CCDC3: variants seen among roughly 807,000 people sequenced by gnomAD.
The protein encoded by CCDC3 is coiled-coil domain containing 3, also known as coiled-coil domain-containing protein 3.
A neutral mutation model predicts 21.4 loss-of-function variants in CCDC3; 24 were observed. The observed-to-expected ratio is 1.12, with a 90% confidence interval of 0.81 to 1.58. The LOEUF (loss-of-function observed/expected upper bound fraction) is 1.58. Ranked by LOEUF, CCDC3 falls within the 40% of genes most tolerant of loss-of-function variation. The pLI is 0.00. For missense variants in CCDC3, 425 were observed against 360.9 expected, an observed-to-expected ratio of 1.18 and a Z score of -1.44; for synonymous variants, 186 against 166.0, an observed-to-expected ratio of 1.12 and a Z score of -0.93.
intron 4 of CCDC3, among the ~76,000 whole-genome samples, chr10:13,065,262 A>T (rs1836809012): frequency 6.6e-6 from 1 of 152,186 alleles, no homozygotes; most frequent in Non-Finnish European, 1.5e-5. Context: ...CAAGGATCTT[A>T]TGTTTAGTGT....
At chr10:13,095,574 G>A (rs1226764563) in intron 3 of CCDC3, among the ~76,000 whole-genome samples, 1 of 152,194 alleles carries the variant, frequency 6.6e-6, no homozygotes, top group Non-Finnish European at 1.5e-5. Context: ...TAATGCAGCT[G>A]CTGATCTGAC....
At chr10:12,978,437 G>A (rs764235915) in intron 2 of CCDC3, among the ~76,000 whole-genome samples, 16 of 152,138 alleles carry the variant, frequency 1.1e-4, no homozygotes, top group East Asian at 1.9e-4. Flanking sequence ...ACTTTAACTC[G>A]AATTATCCGA....
intron 2 of CCDC3, among the ~76,000 whole-genome samples, chr10:12,986,319 T>C (rs1835589739): frequency 6.6e-6 from 1 of 152,166 alleles, no homozygotes; most frequent in Non-Finnish European, 1.5e-5. Context: ...CTCTGCAGAT[T>C]TCATCAGTGT....
chr10:13,028,646 G>C (rs1469568344), intron 5 of CCDC3, among the ~76,000 whole-genome samples: 1 of 152,200 alleles, frequency 6.6e-6, no homozygotes, highest in African/African-American at 2.4e-5. Context: ...AATGGTATTG[G>C]AGTGAATTTG....
intron 2 of CCDC3, among the ~76,000 whole-genome samples, chr10:12,941,469 G>A (rs1834830067): frequency 2.6e-5 from 4 of 152,172 alleles, no homozygotes; most frequent in Admixed American, 2.6e-4. Context: ...CTTGGGGTCT[G>A]GATCAGGACC....
At chr10:13,011,200 A>AG (rs35306130) in intron 5 of CCDC3, among the ~76,000 whole-genome samples, 106 of 150,474 alleles carry the variant, frequency 7.0e-4, no homozygotes, top group African/African-American at 2.5e-3. Flanking sequence ...AAAAAAAAAA[A>AG]CCTGTGACAA....
chr10:13,015,841 C>G (rs825416), intron 5 of CCDC3, among the ~76,000 whole-genome samples: 98,708 of 151,678 alleles, frequency 0.65, 32,803 homozygotes, highest in East Asian at 0.76. Flanking sequence ...TTAATAGGTA[C>G]AAAAACTAGT....
At chr10:13,011,332 A>G (rs1187339114) in intron 5 of CCDC3, among the ~76,000 whole-genome samples, 3 of 152,346 alleles carry the variant, frequency 2.0e-5, no homozygotes, top group Admixed American at 2.0e-4. Flanking sequence ...AAGCAACTTC[A>G]GCAAAGTTTT....
At chr10:13,015,064 G>A (rs1185368682) in intron 5 of CCDC3, among the ~76,000 whole-genome samples, 1 of 152,006 alleles carries the variant, frequency 6.6e-6, no homozygotes, top group East Asian at 1.9e-4. Context: ...ATTCTAAAAG[G>A]CATGCATGTG....
chr10:13,038,751 A>T (rs886353838), intron 5 of CCDC3, among the ~76,000 whole-genome samples: 5 of 152,260 alleles, frequency 3.3e-5, no homozygotes, highest in Non-Finnish European at 5.9e-5. Flanking sequence ...ACCTTGTTCC[A>T]GGCAGCTTCA....
chr10:12,910,092 G>C (rs1313716458), intron 2 of CCDC3, among the ~76,000 whole-genome samples: 3 of 152,214 alleles, frequency 2.0e-5, no homozygotes, highest in Non-Finnish European at 2.9e-5. Context: ...TCCAGGTCCT[G>C]CTTCAGCTAA....
At chr10:13,055,618 T>C (rs990528538) in intron 4 of CCDC3, among the ~76,000 whole-genome samples, 4 of 152,114 alleles carry the variant, frequency 2.6e-5, no homozygotes, top group Non-Finnish European at 5.9e-5. Flanking sequence ...ATCCACCTCT[T>C]GATGCAAGAG....
intron 4 of CCDC3, among the ~76,000 whole-genome samples, chr10:13,055,260 T>A (rs1836666680): frequency 6.6e-6 from 1 of 152,158 alleles, no homozygotes; most frequent in African/African-American, 2.4e-5. Context: ...CACAGCACCA[T>A]TTCAGCTGCA....
chr10:13,028,772 G>C (rs893708454), intron 5 of CCDC3, among the ~76,000 whole-genome samples: 3 of 152,184 alleles, frequency 2.0e-5, no homozygotes, highest in Non-Finnish European at 4.4e-5. Context: ...CAGGATTGTA[G>C]TGGCACATGC....
chr10:13,095,537 A>G lies in CCDC3; in HGVS notation c.-503+2988T>C, dbSNP rs184576890. Among the ~76,000 whole-genome samples, 323 of 152,322 alleles carry G rather than the reference A, an allele frequency of 2.1e-3. 1 individual carries two copies. The highest frequency in any genetic ancestry group is 6.3e-3 in the African/African-American group (263 of 41,568). On this transcript the variant is annotated intron_variant, in intron 3 of 6. Coordinates refer to the CCDC3 transcript ENST00000378839. ...TAGATCCCTTGCATGTTCTGTTGAC[A>G]ATAGGGTTCACGCTCCTATGAAAAT...
intron 2 of CCDC3, among the ~76,000 whole-genome samples, chr10:12,942,920 G>A (rs992679352): frequency 1.3e-5 from 2 of 152,098 alleles, no homozygotes; most frequent in African/African-American, 4.8e-5. Context: ...GTGAGGCAAA[G>A]AACGTGGGGT....
chr10:12,905,107 C>T (rs1278985710), intron 2 of CCDC3, among the ~76,000 whole-genome samples: 1 of 152,064 alleles, frequency 6.6e-6, no homozygotes, highest in African/African-American at 2.4e-5. Flanking sequence ...CCAAAAGCAA[C>T]AACACAGACA....
At chr10:12,914,743 T>G (rs1589002389) in intron 2 of CCDC3, among the ~76,000 whole-genome samples, 1 of 152,334 alleles carries the variant, frequency 6.6e-6, no homozygotes, top group East Asian at 1.9e-4. Flanking sequence ...CCACCATGCC[T>G]GGCCTGAGTT....
intron 2 of CCDC3, among the ~76,000 whole-genome samples, chr10:12,901,069 G>A (rs1385336313): frequency 1.3e-5 from 2 of 152,134 alleles, no homozygotes; most frequent in African/African-American, 2.4e-5. Context: ...AGGGTATGAA[G>A]ACCAAGGCCC....
Sources: gnomAD v4.1 joint callset for allele counts (sites outside exome capture counted in the v4.1 genomes callset) on GRCh38, gnomAD v4.1.1 for gene constraint, MANE v1.5 for transcripts, NCBI Gene and HGNC (gene_info 2026-07-23, HGNC 2026-07-21) for gene names.